Variants in IFT172 observed in about 807,000 individuals in gnomAD.
IFT172 encodes intraflagellar transport protein 172 homolog.
IFT172 carries 164 observed loss-of-function variants against 248.9 expected under a neutral mutation model. That is an observed-to-expected ratio of 0.66 (90% CI 0.58 to 0.75). The LOEUF (loss-of-function observed/expected upper bound fraction) is 0.75. IFT172 is among the 30% of genes least tolerant of loss of function. The pLI is 0.00. For missense variants in IFT172, 1,950 were observed against 2,192.4 expected, an observed-to-expected ratio of 0.89 and a Z score of 2.21; for synonymous variants, 729 against 791.6, an observed-to-expected ratio of 0.92 and a Z score of 1.33.
At position 27,489,634 on chromosome 2, in the gene IFT172, C is replaced by A. The variant is rs766303251; in HGVS notation, c.20G>T (p.Arg7Met). Residue 7 changes from arginine to methionine, a missense_variant, in exon 1 of 48, where the codon AGG becomes ATG. By Grantham distance (91) the Arg-to-Met change is moderately conservative. This residue lies in a region of IFT172 where 1,166 missense variants were observed against 1,254.1 expected (regional missense o/e 0.93). Coordinates refer to ENST00000260570, the MANE Select transcript of IFT172 (RefSeq NM_015662.3). ...CCTCACCTGAGGGCTCAGCAGGGTC[C>A]TCAGGTGCTTCAAGTGCATGACGCA... The part of the protein sequence containing the change: MHLKHL[R>M]TLLSPQDGAA... 1 of 1,612,978 alleles carries A rather than the reference C, an allele frequency of 6.2e-7. No homozygotes were observed. The highest frequency in any genetic ancestry group is 2.2e-5 in the East Asian group (1 of 44,850).
rs751662955 is a variant in IFT172 at position 27,465,891 on chromosome 2, G to T, written c.1693-9C>A. 2 of 1,613,650 alleles carry T rather than the reference G, an allele frequency of 1.2e-6. No homozygotes were observed. Among genetic ancestry groups the T allele is most frequent in the Admixed American group, 1.7e-5 (1 of 59,940 alleles). On this transcript the variant is annotated splice_polypyrimidine_tract_variant and intron_variant, in intron 16 of 47. Transcript: ENST00000260570. ...AGACCTATAACATCACCCTGTAAAA[G>T]TTTATCCCCCAACCCACCCCAATTT...
chr2:27,461,651 T>G (rs1479119213), intron 21 of IFT172, 108 bp downstream of exon 21: 2 of 1,532,876 alleles, frequency 1.3e-6, no homozygotes, highest in African/African-American at 2.7e-5. Flanking sequence ...CCACATCAAG[T>G]CCAAGCCCCA....
At chr2:27,458,890 T>G in intron 25 of IFT172, 22 bp from the exon 26 acceptor site, 73 of 1,611,560 alleles carry the variant, frequency 4.5e-5, no homozygotes, top group Non-Finnish European at 5.7e-5. Flanking sequence ...GGGAGGTAGA[T>G]ACAAAAGGTC....
intron 18 of IFT172, among the ~76,000 whole-genome samples, chr2:27,463,793 T>C (rs927200839): frequency 6.6e-6 from 1 of 152,054 alleles, no homozygotes; most frequent in Non-Finnish European, 1.5e-5. Flanking sequence ...GAACAGCTAG[T>C]GTTAAGGCTC....
chr2:27,470,244 A>C (rs772573241), intron 16 of IFT172, among the ~76,000 whole-genome samples: 1 of 143,556 alleles, frequency 7.0e-6, no homozygotes, highest in Non-Finnish European at 1.5e-5. Context: ...ACCCTGTCTC[A>C]GAAAGAAGAG....
chr2:27,467,036 G>A (rs1360671868), intron 16 of IFT172, among the ~76,000 whole-genome samples: 2 of 151,742 alleles, frequency 1.3e-5, no homozygotes, highest in East Asian at 1.9e-4. Context: ...TTTTTGTTTT[G>A]TTTTTAAGCC....
At chr2:27,455,952 G>A (rs6547642) in intron 30 of IFT172, 5,664 of 265,906 alleles carry the variant, frequency 0.021, 316 homozygotes, top group African/African-American at 0.12. Flanking sequence ...AGTGGCTCAC[G>A]CCTGTAATCT....
chr2:27,464,134 G>A (rs1267987691), intron 18 of IFT172, among the ~76,000 whole-genome samples: 3 of 152,204 alleles, frequency 2.0e-5, no homozygotes, highest in Non-Finnish European at 2.9e-5. Flanking sequence ...GTCTGCACAA[G>A]GATGGAGACA....
At position 27,483,597 on chromosome 2, in the gene IFT172, C is replaced by T. The variant is rs1197780418; in HGVS notation, c.465G>A (p.Val155=). 5 of 1,613,910 alleles carry T rather than the reference C, an allele frequency of 3.1e-6. No individual in the cohort carries two copies. Among genetic ancestry groups the T allele is most frequent in the Admixed American group, 1.7e-5 (1 of 59,972 alleles). ...TTACTCACTTTGTTGTCAGGGACACCACGTAAGACTCTGTCCCATAGATGG... is the reference window on the plus strand; with the variant it reads ...TTACTCACTTTGTTGTCAGGGACACTACGTAAGACTCTGTCCCATAGATGG... ...SSTIYGTESY[V]VSLTTNCSGK... The change falls in exon 6 of 48, where the codon GTG becomes GTA. Residue 155 remains valine (V), a synonymous_variant. Transcript: ENST00000260570.
chr2:27,483,775 C>T (rs188546350), intron 5 of IFT172, 97 bp downstream of exon 5: 228 of 1,421,812 alleles, frequency 1.6e-4, no homozygotes, highest in Admixed American at 7.1e-4. Context: ...CTCCCCAGTA[C>T]GCAACTTGAT....
chr2:27,469,237 AC>A (rs1256562715), intron 16 of IFT172, among the ~76,000 whole-genome samples: 1 of 151,918 alleles, frequency 6.6e-6, no homozygotes, highest in Non-Finnish European at 1.5e-5. Context: ...TACTAAAAAT[AC>A]AAAAATTAGC....
At position 27,462,844 on chromosome 2, in the gene IFT172, T is replaced by C. The variant is rs1279506061; in HGVS notation, c.2023-51A>G. Reference sequence around the variant, plus strand: ...TTTTTCTGTAGGTGCTGCCATTCTGTCTGTGAGGGCTGAAATTGGAAGGCC... The same window carrying C: ...TTTTTCTGTAGGTGCTGCCATTCTGCCTGTGAGGGCTGAAATTGGAAGGCC... On this transcript the variant is annotated intron_variant, in intron 19 of 47. Transcript: ENST00000260570. 2.6e-6 allele frequency: 4 copies of C among 1,558,076 alleles called. No individual in the cohort carries two copies. The African/African-American group carries it at 5.4e-5, about 21-fold the overall frequency.
chr2:27,469,169 G>A (rs1237787645), intron 16 of IFT172, among the ~76,000 whole-genome samples: 3 of 152,044 alleles, frequency 2.0e-5, no homozygotes, highest in Non-Finnish European at 2.9e-5. Context: ...TGACGGAGGC[G>A]GATCACTTGA....
At chr2:27,463,782 C>T (rs546107844) in intron 18 of IFT172, among the ~76,000 whole-genome samples, 7 of 152,152 alleles carry the variant, frequency 4.6e-5, no homozygotes, top group East Asian at 1.9e-4. Flanking sequence ...TCCTGGAGAG[C>T]GAACAGCTAG....
chr2:27,485,613 G>A (rs917640590), intron 1 of IFT172, 110 bp from the exon 2 acceptor site: 20 of 1,279,932 alleles, frequency 1.6e-5, no homozygotes, highest in East Asian at 9.6e-5. Context: ...TTCCTGTCAC[G>A]GTTCTATCCT....
At chr2:27,478,207 G>A (rs1668107860) in intron 10 of IFT172, 51 bp from the exon 11 acceptor site, 3 of 1,609,056 alleles carry the variant, frequency 1.9e-6, no homozygotes, top group African/African-American at 2.7e-5. Flanking sequence ...CCCAAAAGAA[G>A]GGTGAACAAC....
chr2:27,478,353 T>C (rs1178004001), intron 10 of IFT172, among the ~76,000 whole-genome samples, 197 bp from the exon 11 acceptor site: 1 of 152,282 alleles, frequency 6.6e-6, no homozygotes, highest in African/African-American at 2.4e-5. Context: ...TTTCCTATAT[T>C]ATCTCTTTTG....
rs2148505413 is a variant in IFT172 at position 27,461,016 on chromosome 2, T to G, written c.2520A>C (p.Lys840Asn). The G allele has an allele frequency of 6.2e-7, 1 of 1,614,182 alleles. No individual in the cohort carries two copies. Among genetic ancestry groups the G allele is most frequent in the East Asian group, 2.2e-5 (1 of 44,882 alleles). ...GGATGGCTTATAGGTGGCTAGTACC[T>G]TTCATGAATGCGTTGCCTTTACGGT... ...ECYRKGNAFM[K>N]AVELARLAFP... The change falls in exon 23 of 48, where the codon AAA becomes AAC. Residue 840 changes from lysine to asparagine, a missense_variant and splice_region_variant. Physicochemically the swap from Lys to Asn is moderately conservative, Grantham distance 94. This residue lies in a region of IFT172 where 1,166 missense variants were observed against 1,254.1 expected (regional missense o/e 0.93). Coordinates refer to ENST00000260570, the MANE Select transcript of IFT172 (RefSeq NM_015662.3).
chr2:27,467,416 T>A (rs545519409), intron 16 of IFT172, among the ~76,000 whole-genome samples: 8 of 16,086 alleles, frequency 5.0e-4, no homozygotes, highest in Non-Finnish European at 7.9e-4. Flanking sequence ...TTACAGAAAA[T>A]TGAAAAAAAA....
Sources: gnomAD v4.1 joint callset for allele counts (sites outside exome capture counted in the v4.1 genomes callset) on GRCh38, gnomAD v4.1.1 for gene constraint, gnomAD v4.1.1 regional missense constraint, MANE v1.5 for transcripts, NCBI Gene and HGNC (gene_info 2026-07-23, HGNC 2026-07-21) for gene names.